The following KIAA0513 variants were observed in gnomAD, a reference collection of about 807,000 sequenced individuals.
KIAA0513 encodes the protein KIAA0513, also known as uncharacterized protein KIAA0513.
In KIAA0513, 39 loss-of-function variants were observed where a neutral mutation model predicts 56.5. That is an observed-to-expected ratio of 0.69 (90% CI 0.53 to 0.90). The LOEUF (loss-of-function observed/expected upper bound fraction) is 0.90, where lower values mean the gene tolerates loss of function less well. Among genes scored for constraint, KIAA0513 ranks in the 40% least tolerant of loss-of-function variants. The pLI, the probability that KIAA0513 is intolerant of heterozygous loss-of-function variation, is 0.00. For synonymous variants in KIAA0513, 268 were observed against 215.6 expected (o/e 1.24, Z -2.13); for missense variants, 591 against 535.2 (o/e 1.10, Z -1.03).
chr16:85,084,721 G>A (rs189634272), intron 10 of KIAA0513, among the ~76,000 whole-genome samples: 9 of 149,858 alleles, frequency 6.0e-5, no homozygotes, highest in Admixed American at 1.4e-4. Context: ...GAGCCACTGC[G>A]CCCGGCCTAA....
At chr16:85,045,505 A>G (rs1350962293) in intron 1 of KIAA0513, among the ~76,000 whole-genome samples, 1 of 152,044 alleles carries the variant, frequency 6.6e-6, no homozygotes, top group Admixed American at 6.6e-5. Context: ...ACAGGCACCC[A>G]CCATCATGCC....
intron 1 of KIAA0513, among the ~76,000 whole-genome samples, chr16:85,048,257 C>G (rs1376829799): frequency 6.6e-6 from 1 of 152,176 alleles, no homozygotes; most frequent in Admixed American, 6.5e-5. Flanking sequence ...CTGCACCCAC[C>G]CCGCCTTCCA....
At chr16:85,031,482 C>T (rs770987668) in intron 1 of KIAA0513, among the ~76,000 whole-genome samples, 34 of 152,100 alleles carry the variant, frequency 2.2e-4, no homozygotes, top group Non-Finnish European at 4.3e-4. Context: ...CGTGATTATG[C>T]GAGAGTGGTC....
chr16:85,035,610 C>A (rs917133668), intron 1 of KIAA0513, among the ~76,000 whole-genome samples: 1 of 152,216 alleles, frequency 6.6e-6, no homozygotes, highest in Non-Finnish European at 1.5e-5. Context: ...CCCACCTCAG[C>A]CTGCCAAGTA....
chr16:85,077,490 A>G lies in KIAA0513; in HGVS notation c.640A>G (p.Lys214Glu). 6.2e-7 allele frequency: 1 copy of G among 1,614,126 alleles called. No individual in the cohort carries two copies. The highest frequency in any genetic ancestry group is 8.5e-7 in the Non-Finnish European group (1 of 1,180,014). Residue 214 changes from lysine to glutamate, a missense_variant, in exon 6 of 13, where the codon AAA becomes GAA. Coordinates refer to ENST00000683363, the MANE Select transcript of KIAA0513 (RefSeq NM_001388359.1). ...CGCGGGCAGCATCGACTCCTACCTG[A>G]AATCCGCAAACAGCTGGCTGGCCGA... ...KPAGSIDSYL[K>E]SANSWLAEKK...
rs899352677 is a variant in KIAA0513 at position 85,093,152 on chromosome 16, G to A, written c.*4827G>A. On this transcript the variant is annotated 3_prime_UTR_variant, in exon 13 of 13. Coordinates refer to ENST00000683363, the MANE Select transcript of KIAA0513 (RefSeq NM_001388359.1). ...TTTGTGTGGGTGTCTCTAGCCTGCA[G>A]AGTGCAGTGAGTGAGAGTCCTTGGG... 6.6e-6 allele frequency: 1 copy of A among 152,104 alleles called. No homozygotes were observed. 9.4% of individuals were successfully genotyped at this position (152,104 alleles called of 1,614,324 possible).
intron 1 of KIAA0513, among the ~76,000 whole-genome samples, chr16:85,044,504 A>AT (rs201211249): frequency 2.3e-4 from 32 of 140,362 alleles, no homozygotes; most frequent in African/African-American, 8.0e-4. Context: ...CCTCCTTTTT[A>AT]TTTTTATTTT....
Position 85,088,406 on chromosome 16 carries a change from G to A in KIAA0513, c.*81G>A, listed in dbSNP as rs1018530410. 4.8e-6 allele frequency: 6 copies of A among 1,260,064 alleles called. No homozygotes were observed. The highest frequency in any genetic ancestry group is 4.7e-5 in the East Asian group (2 of 42,868). The allele number at this position is 1,260,064 out of a possible 1,614,324, so 78.1% of individuals were successfully genotyped here. ...CCAGCGCCCGGCCGTCACCCCACCCGATGACCTGCATGAAGCCAGCAGCAC... is the reference window on the plus strand; with the variant it reads ...CCAGCGCCCGGCCGTCACCCCACCCAATGACCTGCATGAAGCCAGCAGCAC... On this transcript the variant is annotated 3_prime_UTR_variant, in exon 13 of 13. Transcript: ENST00000683363.
chr16:85,087,720 C>T (rs574393637), intron 12 of KIAA0513, among the ~76,000 whole-genome samples: 2 of 152,180 alleles, frequency 1.3e-5, no homozygotes, highest in Non-Finnish European at 1.5e-5. Context: ...TCTTCTTCAT[C>T]GAAAAGGACT....
At chr16:85,082,473 A>G in intron 9 of KIAA0513, 91 bp from the exon 10 acceptor site, 1 of 1,256,642 alleles carries the variant, frequency 8.0e-7, no homozygotes, top group Non-Finnish European at 1.2e-6. Context: ...GCCTGTAATA[A>G]CCCTCCTCTG....
chr16:85,038,747 A>G (rs531851498), intron 1 of KIAA0513, among the ~76,000 whole-genome samples: 1 of 150,124 alleles, frequency 6.7e-6, no homozygotes, highest in Non-Finnish European at 1.5e-5. Flanking sequence ...ATCTTTGTTG[A>G]TAGATTCTAT....
chr16:85,057,349 C>T (rs1034576710), intron 1 of KIAA0513, among the ~76,000 whole-genome samples: 1 of 152,196 alleles, frequency 6.6e-6, no homozygotes, highest in Non-Finnish European at 1.5e-5. Context: ...TGACAGTCTT[C>T]CTTAAACTGT....
chr16:85,028,146 G>C (rs961702019), intron 1 of KIAA0513, among the ~76,000 whole-genome samples: 6 of 152,336 alleles, frequency 3.9e-5, no homozygotes, highest in Admixed American at 3.9e-4. Context: ...GCGGACGCCC[G>C]TGAATGAGTG....
chr16:85,038,510 C>T (rs946001206), intron 1 of KIAA0513, among the ~76,000 whole-genome samples: 3 of 151,874 alleles, frequency 2.0e-5, no homozygotes, highest in Non-Finnish European at 2.9e-5. Flanking sequence ...AGTTCCAGAC[C>T]GGTCTGACCA....
At chr16:85,044,030 C>G (rs1033079565) in intron 1 of KIAA0513, among the ~76,000 whole-genome samples, 7 of 151,788 alleles carry the variant, frequency 4.6e-5, no homozygotes, top group Admixed American at 4.6e-4. Flanking sequence ...AACTCAGTCT[C>G]AAGAGAAAAA....
intron 8 of KIAA0513, among the ~76,000 whole-genome samples, chr16:85,080,123 G>A (rs139307956): frequency 6.6e-6 from 1 of 152,192 alleles, no homozygotes; most frequent in Non-Finnish European, 1.5e-5. Flanking sequence ...AGAGGGCAGG[G>A]CCGGAGCTGT....
intron 1 of KIAA0513, among the ~76,000 whole-genome samples, chr16:85,029,967 C>G (rs565792649): frequency 2.4e-4 from 37 of 152,282 alleles, no homozygotes; most frequent in African/African-American, 8.9e-4. Flanking sequence ...AAGTGTTTAA[C>G]CCAACCGTCT....
chr16:85,033,535 T>G (rs1407219225), intron 1 of KIAA0513, among the ~76,000 whole-genome samples: 4 of 152,162 alleles, frequency 2.6e-5, no homozygotes, highest in African/African-American at 9.7e-5. Context: ...TGTAGAAGCC[T>G]CCTCCCGTGT....
intron 9 of KIAA0513, 113 bp from the exon 10 acceptor site, chr16:85,082,451 C>T (rs1163116650): frequency 4.0e-5 from 40 of 988,180 alleles, no homozygotes; most frequent in Admixed American, 2.3e-4. Context: ...TTCTCTGTCC[C>T]GCTCCGTTTC....
Sources: allele counts gnomAD v4.1 joint callset (sites outside exome capture counted in the v4.1 genomes callset), GRCh38; gene constraint gnomAD v4.1.1; transcripts MANE v1.5; gene names NCBI Gene and HGNC (gene_info 2026-07-23, HGNC 2026-07-21).